DLGAP1: variants seen among roughly 807,000 people sequenced by gnomAD.
DLGAP1 encodes the protein disks large-associated protein 1.
DLGAP1 carries 11 observed loss-of-function variants against 90.8 expected under a neutral mutation model. The observed-to-expected ratio is 0.12, with a 90% CI of 0.08 to 0.20. The LOEUF (loss-of-function observed/expected upper bound fraction) is 0.20. Among genes scored for constraint, DLGAP1 ranks in the 10% least tolerant of loss-of-function variants. DLGAP1 has a pLI of 1.00. For synonymous variants in DLGAP1, 558 were observed against 540.7 expected, an observed-to-expected ratio of 1.03 and a Z score of -0.44; for missense variants, 1,050 against 1,333.8, an observed-to-expected ratio of 0.79 and a Z score of 3.31.
rs11873533 is a variant in DLGAP1 at position 3,742,713 on chromosome 18, C to A, written c.1173-201G>T. On this transcript the variant is annotated intron_variant, in intron 5 of 12. Transcript: ENST00000315677. ...GAAATCATCAAGATCTGATGACATT[C>A]GAGAGCAATTAACATTCTCTTCAAC... Among the ~76,000 whole-genome samples, 70,715 of 152,016 alleles carry A rather than the reference C, an allele frequency of 0.47. 17,195 individuals carry two copies. Among genetic ancestry groups the A allele is most frequent in the African/African-American group, 0.58 (24,194 of 41,438 alleles).
chr18:4,079,414 C>T (rs2075572358), intron 2 of DLGAP1, among the ~76,000 whole-genome samples: 1 of 151,638 alleles, frequency 6.6e-6, no homozygotes, highest in Admixed American at 6.6e-5. Flanking sequence ...GGCTATTATT[C>T]TAAGCAAAGT....
intron 1 of DLGAP1, among the ~76,000 whole-genome samples, chr18:4,199,218 AG>A (rs2077561071): frequency 6.6e-6 from 1 of 152,204 alleles, no homozygotes; most frequent in South Asian, 2.1e-4. Context: ...GTCCTGGAGG[AG>A]GGTGGGCCTC....
chr18:3,572,960 G>A (rs1012925292), intron 8 of DLGAP1, among the ~76,000 whole-genome samples: 1 of 152,044 alleles, frequency 6.6e-6, no homozygotes, highest in Non-Finnish European at 1.5e-5. Context: ...GAAATATGCT[G>A]ACACGATAAT....
chr18:4,310,041 T>C (rs903355729), intron 1 of DLGAP1, among the ~76,000 whole-genome samples: 2 of 152,284 alleles, frequency 1.3e-5, no homozygotes, highest in South Asian at 2.1e-4. Context: ...GATCTAGCCA[T>C]ATTTTTGTAT....
In DLGAP1 at chr18:3,587,894, C is replaced by T. The variant is rs538823254; in HGVS notation, c.1592-5646G>A. On this transcript the variant is annotated intron_variant, in intron 7 of 12. Coordinates refer to ENST00000315677, the MANE Select transcript of DLGAP1 (RefSeq NM_004746.4). ...GGAATAAATTCCAGACACAGAATGA[C>T]GTTCTCAAAAACAATGATTTTTAAA... Among the ~76,000 whole-genome samples the T allele has an allele frequency of 9.4e-4, 143 of 152,268 alleles. 1 individual carries two copies. Among genetic ancestry groups the T allele is most frequent in the African/African-American group, 3.1e-3 (129 of 41,534 alleles).
intron 2 of DLGAP1, among the ~76,000 whole-genome samples, chr18:4,089,517 A>G (rs988711429): frequency 2.0e-5 from 3 of 152,162 alleles, no homozygotes; most frequent in Admixed American, 6.5e-5. Context: ...AAAAAAAACA[A>G]AGCTGAAGCC....
chr18:3,571,789 G>C (rs1282202261), intron 8 of DLGAP1, among the ~76,000 whole-genome samples: 1 of 152,144 alleles, frequency 6.6e-6, no homozygotes, highest in Non-Finnish European at 1.5e-5. Context: ...GCCTCCCAAA[G>C]TGCTGGGATT....
intron 5 of DLGAP1, among the ~76,000 whole-genome samples, chr18:3,772,458 C>CTCTT (rs10667751): frequency 0.42 from 34,829 of 83,260 alleles, 9,492 homozygotes; most frequent in East Asian, 0.66. Flanking sequence ...CCCCACCCCC[C>CTCTT]TCTTTCTTTC....
intron 1 of DLGAP1, among the ~76,000 whole-genome samples, chr18:4,299,641 A>G (rs1173586160): frequency 6.6e-6 from 1 of 152,206 alleles, no homozygotes; most frequent in East Asian, 1.9e-4. Flanking sequence ...GAAAAAATTA[A>G]AAGTTATTAA....
At chr18:3,740,471 T>C (rs2062850856) in intron 6 of DLGAP1, among the ~76,000 whole-genome samples, 1 of 152,106 alleles carries the variant, frequency 6.6e-6, no homozygotes, top group African/African-American at 2.4e-5. Flanking sequence ...ATGACAGCTT[T>C]CCCTGGCTCC....
chr18:3,583,534 C>T lies in DLGAP1; in HGVS notation c.1592-1286G>A, dbSNP rs114396060. 7.0e-3 allele frequency among the ~76,000 whole-genome samples: 1,068 copies of T among 152,242 alleles called. 24 individuals carry two copies. Among genetic ancestry groups the T allele is most frequent in the African/African-American group, 0.024 (1,011 of 41,552 alleles). On this transcript the variant is annotated intron_variant, in intron 7 of 12. Coordinates refer to ENST00000315677, the MANE Select transcript of DLGAP1 (RefSeq NM_004746.4). ...ACTCACTGAGAGTATTTACACTGTA[C>T]AAAAGTCTCCTATTGTAGAAATTAA...
chr18:3,880,287 C>T, intron 3 of DLGAP1, 147 bp from the exon 4 acceptor site: 1 of 602,784 alleles, frequency 1.7e-6, no homozygotes, highest in Non-Finnish European at 2.9e-6. Context: ...GGGCTCAAGC[C>T]ATCCTTCCAC....
At chr18:3,614,316 G>A (rs2057757338) in intron 7 of DLGAP1, among the ~76,000 whole-genome samples, 1 of 152,150 alleles carries the variant, frequency 6.6e-6, no homozygotes, top group Admixed American at 6.6e-5. Context: ...ATATTGAACT[G>A]GGGTTCTGGG....
At chr18:3,600,978 A>ATAGATATG (rs2056968719) in intron 7 of DLGAP1, among the ~76,000 whole-genome samples, 1 of 113,660 alleles carries the variant, frequency 8.8e-6, no homozygotes, top group African/African-American at 3.4e-5. Flanking sequence ...AGATAGATAT[A>ATAGATATG]TAGATATAGA....
intron 7 of DLGAP1, among the ~76,000 whole-genome samples, chr18:3,625,266 C>T (rs2058249882): frequency 6.6e-6 from 1 of 152,158 alleles, no homozygotes; most frequent in African/African-American, 2.4e-5. Context: ...GCTTAGGTGG[C>T]CAAGATCTCT....
At chr18:4,025,620 CATT>C (rs1330130686) in intron 2 of DLGAP1, among the ~76,000 whole-genome samples, 1 of 152,054 alleles carries the variant, frequency 6.6e-6, no homozygotes, top group African/African-American at 2.4e-5. Flanking sequence ...TGGACAATAA[CATT>C]GTCATTTTTA....
At chr18:3,742,817 A>T (rs1399219131) in intron 5 of DLGAP1, among the ~76,000 whole-genome samples, 1 of 152,158 alleles carries the variant, frequency 6.6e-6, no homozygotes, top group Non-Finnish European at 1.5e-5. Flanking sequence ...CTGCCCAGGA[A>T]TTCTGACTTG....
At chr18:3,600,721 G>GAT (rs1568277280) in intron 7 of DLGAP1, among the ~76,000 whole-genome samples, 1 of 23,622 alleles carries the variant, frequency 4.2e-5, no homozygotes, top group Non-Finnish European at 8.1e-5. Context: ...TATAGATATA[G>GAT]AGATATAGAT....
intron 4 of DLGAP1, among the ~76,000 whole-genome samples, chr18:3,814,474 G>C (rs923192287): frequency 8.1e-5 from 12 of 148,048 alleles, no homozygotes; most frequent in African/African-American, 2.7e-4. Flanking sequence ...CCGTTCTCCT[G>C]CCTCAGCCTC....
Sources: gnomAD v4.1 joint callset for allele counts (sites outside exome capture counted in the v4.1 genomes callset) on GRCh38, gnomAD v4.1.1 for gene constraint, MANE v1.5 for transcripts, NCBI Gene and HGNC (gene_info 2026-07-23, HGNC 2026-07-21) for gene names.